Variants in PDK3 observed in about 807,000 individuals in gnomAD.
PDK3 encodes the protein pyruvate dehydrogenase kinase 3, also known as pyruvate dehydrogenase kinase, isozyme 3.
PDK3 carries 12 observed loss-of-function variants against 32.0 expected under a neutral mutation model. The ratio of observed to expected loss-of-function variants is 0.37; its 90% CI spans 0.24 to 0.61. PDK3 has a LOEUF of 0.61. PDK3 is among the 20% of genes least tolerant of loss of function. The pLI is 0.65. For synonymous variants in PDK3, 122 were observed against 116.3 expected (o/e 1.05, Z -0.31); for missense variants, 188 against 316.9 (o/e 0.59, Z 3.09).
In PDK3 at chrX:24,503,389, A is replaced by G; in HGVS notation, c.383A>G (p.Gln128Arg). The G allele has an allele frequency of 8.3e-7, 1 of 1,203,788 alleles. No homozygotes were observed. Among genetic ancestry groups the G allele is most frequent in the Non-Finnish European group, 1.1e-6 (1 of 888,483 alleles). Residue 128 changes from glutamine to arginine, a missense_variant, in exon 4 of 11, where the codon CAA becomes CGA. Physicochemically the swap from Gln to Arg is conservative, Grantham distance 43. Coordinates refer to ENST00000379162, the MANE Select transcript of PDK3 (RefSeq NM_005391.5). ...RHNDVVPTMA[Q>R]GVIEYKEKFG... ...AATGATGTGGTTCCTACAATGGCAC[A>G]AGGAGTGATTGAATACAAGGAGAAG...
At chrX:24,537,163 G>T (rs184907017), downstream of PDK3, among the ~76,000 whole-genome samples, 404 of 101,191 alleles carry the variant, frequency 4.0e-3, 3 homozygotes, top group African/African-American at 0.014. Flanking sequence ...TGTCACCCAG[G>T]TTGGAGTGCA....
intron 4 of PDK3, among the ~76,000 whole-genome samples, chrX:24,504,526 T>C (rs1921935061): frequency 8.9e-6 from 1 of 112,330 alleles, no homozygotes. Flanking sequence ...AAATATCCCC[T>C]ATTTTATTTA....
chrX:24,519,636 C>T (rs1922347076), intron 6 of PDK3, among the ~76,000 whole-genome samples: 1 of 111,319 alleles, frequency 9.0e-6, no homozygotes, highest in South Asian at 3.7e-4. Flanking sequence ...TCCCAAAGTG[C>T]TGGGATTACA....
exon 12 of PDK3, among the ~76,000 whole-genome samples, chrX:24,544,808 C>T (rs1268723103): frequency 4.5e-5 from 5 of 112,045 alleles, no homozygotes; most frequent in African/African-American, 1.6e-4. Context: ...CTTATATAAA[C>T]ATGCATTTAT....
At chrX:24,516,607 C>T (rs959356218) in intron 5 of PDK3, among the ~76,000 whole-genome samples, 4 of 111,421 alleles carry the variant, frequency 3.6e-5, no homozygotes, top group African/African-American at 9.8e-5. Context: ...CATATTATTC[C>T]GTTTATGTAA....
In PDK3 at chrX:24,505,264, C is replaced by T. The variant is rs1428838682; in HGVS notation, c.561C>T (p.Ile187=). ...NPVHPKHIGS[I]DPTCNVADVV... ...TTCATCCTAAACACATAGGAAGTATCGATCCCACCTGTAACGTGGCGGATG... is the reference window on the plus strand; with the variant it reads ...TTCATCCTAAACACATAGGAAGTATTGATCCCACCTGTAACGTGGCGGATG... Residue 187 remains isoleucine (I), a synonymous_variant, in exon 5 of 11, where the codon ATC becomes ATT. Transcript: ENST00000379162. The T allele has an allele frequency of 5.0e-6, 6 of 1,204,557 alleles. No individual in the cohort carries two copies. The highest frequency in any genetic ancestry group is 6.7e-6 in the Non-Finnish European group (6 of 889,794).
intron 5 of PDK3, among the ~76,000 whole-genome samples, chrX:24,510,937 G>A (rs1922103063): frequency 8.9e-6 from 1 of 112,117 alleles, no homozygotes; most frequent in Non-Finnish European, 1.9e-5. Flanking sequence ...CATTTCCTAT[G>A]GACCCTCCTC....
chrX:24,540,057 G>A (rs754701055), exon 12 of PDK3, among the ~76,000 whole-genome samples: 17 of 112,035 alleles, frequency 1.5e-4, no homozygotes, highest in Non-Finnish European at 3.0e-4. Context: ...GACTATCAGA[G>A]GGAAAAGGCC....
downstream of PDK3, among the ~76,000 whole-genome samples, chrX:24,535,569 A>G (rs1283091199): frequency 2.7e-5 from 3 of 111,014 alleles, no homozygotes; most frequent in East Asian, 2.8e-4. Context: ...GCCAAAAAAG[A>G]AGGAGAAACC....
intron 1 of PDK3, among the ~76,000 whole-genome samples, chrX:24,490,555 AC>A (rs1921530180): frequency 9.0e-6 from 1 of 111,665 alleles, no homozygotes; most frequent in Non-Finnish European, 1.9e-5. Flanking sequence ...ATTTGCTGCC[AC>A]AACTCATTTT....
intron 2 of PDK3, among the ~76,000 whole-genome samples, chrX:24,495,482 C>T (rs1921676750): frequency 8.9e-6 from 1 of 112,592 alleles, no homozygotes; most frequent in African/African-American, 3.2e-5. Context: ...TTCCATGCCC[C>T]TTTTCTCAGA....
Position 24,528,173 on chromosome X carries a change from G to A in PDK3, c.950G>A (p.Arg317Lys). ...TAPRPSLEPT[R>K]AAPLAGFGYG... ...CCTAGACCCAGCCTGGAGCCTACCA[G>A]AGCTGCCCCTTTGGTAAGCATCTGA... Residue 317 changes from arginine (R) to lysine (K), a missense_variant, in exon 9 of 11, where the codon AGA becomes AAA. Transcript: ENST00000379162. 1 of 1,120,520 alleles carries A rather than the reference G, an allele frequency of 8.9e-7. No homozygotes were observed. Among genetic ancestry groups the A allele is most frequent in the Non-Finnish European group, 1.2e-6 (1 of 813,585 alleles). 92.3% of individuals were successfully genotyped at this position (1,120,520 alleles called of 1,213,427 possible).
intron 6 of PDK3, among the ~76,000 whole-genome samples, chrX:24,525,528 T>C (rs1922500899): frequency 1.8e-5 from 2 of 111,916 alleles, no homozygotes; most frequent in African/African-American, 3.2e-5. Context: ...TTTTGGGTCA[T>C]GAGGAGGAGG....
Position 24,502,838 on chromosome X carries a change from C to T in PDK3, c.321-489C>T, listed in dbSNP as rs771299418. On this transcript the variant is annotated intron_variant, in intron 3 of 10. Transcript: ENST00000379162. ...CAGCCTGGGTGACAGAGTGAGACTC[C>T]GTCAAAAGAACAAACAAACAAAACC... 6.3e-5 allele frequency among the ~76,000 whole-genome samples: 7 copies of T among 111,493 alleles called. No homozygotes were observed. In the East Asian group the frequency reaches 1.1e-3, roughly 18 times the overall value.
rs555486487 is a variant in PDK3 at position 24,488,863 on chromosome X, C to A, written c.107-5879C>A. The stretch of plus-strand genomic sequence containing the variant: ...ACCTGCTCCCTTTGTCATCTTTGAA[C>A]TGATACCAGGGAAAAACTTAATTGG... On this transcript the variant is annotated intron_variant, in intron 1 of 10. Transcript: ENST00000379162. 1.6e-4 allele frequency among the ~76,000 whole-genome samples: 18 copies of A among 112,027 alleles called. No homozygotes were observed. The South Asian group carries it at 6.3e-3, about 39-fold the overall frequency.
intron 1 of PDK3, among the ~76,000 whole-genome samples, chrX:24,476,620 G>A (rs944031128): frequency 1.6e-3 from 177 of 111,506 alleles, no homozygotes; most frequent in African/African-American, 5.3e-3. Flanking sequence ...AGTCTCTGCC[G>A]CCATCAGTAT....
intron 8 of PDK3, 94 bp downstream of exon 8, chrX:24,527,769 A>G: frequency 3.7e-6 from 2 of 546,715 alleles, no homozygotes; most frequent in Non-Finnish European, 5.9e-6. Context: ...ATTGACATTT[A>G]TTGAGTGTCC....
chrX:24,481,083 G>A (rs1001383719), intron 1 of PDK3, among the ~76,000 whole-genome samples: 3 of 99,495 alleles, frequency 3.0e-5, no homozygotes, highest in Non-Finnish European at 6.0e-5. Flanking sequence ...TTGCTCTGTC[G>A]CCCAGGCTGG....
At chrX:24,485,173 C>T (rs111481527) in intron 1 of PDK3, among the ~76,000 whole-genome samples, 2,218 of 110,768 alleles carry the variant, frequency 0.02, 60 homozygotes, top group African/African-American at 0.069. Context: ...CATGGTGAAA[C>T]CCTGTGTCTA....
Sources: allele counts gnomAD v4.1 joint callset (sites outside exome capture counted in the v4.1 genomes callset), GRCh38; gene constraint gnomAD v4.1.1; transcripts MANE v1.5; gene names NCBI Gene and HGNC (gene_info 2026-07-23, HGNC 2026-07-21).